MAP4K3: variants seen among roughly 807,000 people sequenced by gnomAD.
MAP4K3 encodes MAPK/ERK kinase kinase kinase 3.
Under a neutral mutation model 143.5 loss-of-function variants are expected in MAP4K3, and 94 were observed. The observed-to-expected ratio is 0.65, with a 90% CI of 0.55 to 0.78. The LOEUF (loss-of-function observed/expected upper bound fraction) is 0.78, where lower values mean the gene tolerates loss of function less well. Ranked by LOEUF, MAP4K3 falls within the 30% of genes least tolerant of loss-of-function variation. MAP4K3 has a pLI of 0.00. For missense variants in MAP4K3, 1,077 were observed against 1,068.1 expected (o/e 1.01, Z -0.12); for synonymous variants, 416 against 347.2 (o/e 1.20, Z -2.20).
At chr2:39,372,868 C>T (rs1450316334) in intron 2 of MAP4K3, among the ~76,000 whole-genome samples, 1 of 152,168 alleles carries the variant, frequency 6.6e-6, no homozygotes, top group Non-Finnish European at 1.5e-5. Context: ...ATCTCCATGA[C>T]ACTGGTGTGG....
intron 29 of MAP4K3, among the ~76,000 whole-genome samples, 197 bp downstream of exon 29, chr2:39,260,409 C>T (rs1680519814): frequency 6.6e-6 from 1 of 152,138 alleles, no homozygotes; most frequent in Non-Finnish European, 1.5e-5. Flanking sequence ...ACCCACCATG[C>T]CCTGCCAGCC....
chr2:39,343,974 T>C (rs941571963), intron 3 of MAP4K3, among the ~76,000 whole-genome samples: 3 of 152,188 alleles, frequency 2.0e-5, no homozygotes, highest in South Asian at 2.1e-4. Flanking sequence ...CATATAGTCA[T>C]AGGAGAAATA....
At chr2:39,306,461 A>T (rs548287869) in intron 15 of MAP4K3, among the ~76,000 whole-genome samples, 1 of 152,118 alleles carries the variant, frequency 6.6e-6, no homozygotes, top group African/African-American at 2.4e-5. Flanking sequence ...TAGCTTTTCA[A>T]CTGCTTCTTC....
At chr2:39,284,893 C>T (rs1472828286) in intron 21 of MAP4K3, among the ~76,000 whole-genome samples, 2 of 151,350 alleles carry the variant, frequency 1.3e-5, no homozygotes, top group African/African-American at 4.8e-5. Flanking sequence ...TATTTATTAT[C>T]ATTTAATTTT....
chr2:39,409,467 G>C (rs1217168453), intron 1 of MAP4K3, among the ~76,000 whole-genome samples: 1 of 152,134 alleles, frequency 6.6e-6, no homozygotes, highest in African/African-American at 2.4e-5. Flanking sequence ...AGTGGCACCA[G>C]CTTATAGTCC....
At chr2:39,327,320 T>C (rs939636136) in intron 8 of MAP4K3, among the ~76,000 whole-genome samples, 9 of 152,178 alleles carry the variant, frequency 5.9e-5, no homozygotes, top group African/African-American at 1.2e-4. Context: ...GGAAAAGTTA[T>C]AAAAACAAGT....
intron 1 of MAP4K3, among the ~76,000 whole-genome samples, chr2:39,418,453 C>T (rs1424677755): frequency 6.6e-6 from 1 of 152,194 alleles, no homozygotes; most frequent in Admixed American, 6.5e-5. Flanking sequence ...AAGCTACTCC[C>T]TTCCTCAAAG....
chr2:39,324,561 G>T lies in MAP4K3; in HGVS notation c.918+957C>A, dbSNP rs117490061. Among the ~76,000 whole-genome samples the T allele has an allele frequency of 2.4e-4, 37 of 152,272 alleles. No homozygotes were observed. The East Asian group carries it at 6.0e-3, about 25-fold the overall frequency. On this transcript the variant is annotated intron_variant, in intron 12 of 33. Transcript: ENST00000263881. Reference sequence around the variant, plus strand: ...TATCTATCATAAGATGGCAAGCTGGGACAATGCTGAATTGATAGAAAGGTT... The same window carrying T: ...TATCTATCATAAGATGGCAAGCTGGTACAATGCTGAATTGATAGAAAGGTT...
chr2:39,292,986 G>A (rs560053803), intron 17 of MAP4K3, among the ~76,000 whole-genome samples, 160 bp from the exon 18 acceptor site: 10 of 152,224 alleles, frequency 6.6e-5, no homozygotes, highest in Admixed American at 2.6e-4. Context: ...AACTGGGAGC[G>A]GTGGATCGTG....
chr2:39,252,782 G>T (rs1056082769), intron 32 of MAP4K3, among the ~76,000 whole-genome samples: 2 of 152,168 alleles, frequency 1.3e-5, no homozygotes, highest in African/African-American at 2.4e-5. Flanking sequence ...CTTAGCTTCT[G>T]TTGTAACCCA....
At chr2:39,261,100 T>C (rs1680550381) in intron 28 of MAP4K3, 1 of 212,396 alleles carries the variant, frequency 4.7e-6, no homozygotes, top group Non-Finnish European at 9.3e-6. Flanking sequence ...CCGGCCTTTG[T>C]GGCAGAGTCT....
intron 15 of MAP4K3, among the ~76,000 whole-genome samples, chr2:39,304,918 G>A (rs1305046440): frequency 2.0e-5 from 3 of 152,200 alleles, no homozygotes; most frequent in African/African-American, 7.2e-5. Context: ...GAGGAACCCT[G>A]AAGGTATTAC....
intron 18 of MAP4K3, among the ~76,000 whole-genome samples, chr2:39,291,072 A>C (rs1462730500): frequency 6.6e-6 from 1 of 152,180 alleles, no homozygotes; most frequent in Admixed American, 6.5e-5. Context: ...CTCAAAAAAC[A>C]AAACAAAACA....
intron 1 of MAP4K3, among the ~76,000 whole-genome samples, chr2:39,391,979 G>A (rs952060425): frequency 6.6e-6 from 1 of 151,894 alleles, no homozygotes; most frequent in Non-Finnish European, 1.5e-5. Context: ...TCAAGAGATG[G>A]AGACCATCCT....
intron 1 of MAP4K3, among the ~76,000 whole-genome samples, chr2:39,395,939 A>G (rs1330017564): frequency 2.0e-5 from 3 of 152,236 alleles, no homozygotes; most frequent in Non-Finnish European, 4.4e-5. Flanking sequence ...GTTCAGGATG[A>G]TAGATACAGT....
At chr2:39,291,533 G>T (rs1414751398) in intron 18 of MAP4K3, among the ~76,000 whole-genome samples, 1 of 152,154 alleles carries the variant, frequency 6.6e-6, no homozygotes. Context: ...TATGCTTTAT[G>T]AAATTATATG....
intron 4 of MAP4K3, among the ~76,000 whole-genome samples, chr2:39,341,013 A>G (rs1051359737): frequency 4.6e-5 from 7 of 152,148 alleles, no homozygotes; most frequent in African/African-American, 1.7e-4. Context: ...ATATTTGAAG[A>G]CATAATAATT....
chr2:39,298,904 G>A (rs550410145), intron 16 of MAP4K3, among the ~76,000 whole-genome samples: 66 of 149,214 alleles, frequency 4.4e-4, no homozygotes, highest in African/African-American at 1.6e-3. Context: ...GGCGGAGGTT[G>A]AAGTGGGCCA....
At chr2:39,396,172 G>C (rs972361150) in intron 1 of MAP4K3, among the ~76,000 whole-genome samples, 3 of 151,948 alleles carry the variant, frequency 2.0e-5, no homozygotes, top group Non-Finnish European at 4.4e-5. Context: ...GGAGCAGTTG[G>C]AACTACAGGC....
Sources: gnomAD v4.1 joint callset for allele counts (sites outside exome capture counted in the v4.1 genomes callset) on GRCh38, gnomAD v4.1.1 for gene constraint, MANE v1.5 for transcripts, NCBI Gene and HGNC (gene_info 2026-07-23, HGNC 2026-07-21) for gene names.